DMD: variants seen among roughly 807,000 people sequenced by gnomAD.
DMD encodes the protein mutant dystrophin.
In DMD, 63 loss-of-function variants were observed where a neutral mutation model predicts 330.1. That is an observed-to-expected ratio of 0.19 (90% CI 0.16 to 0.24). The LOEUF (loss-of-function observed/expected upper bound fraction) is 0.24. DMD is among the 10% of genes least tolerant of loss of function. The pLI is 1.00. For synonymous variants in DMD, 1,223 were observed against 959.8 expected (o/e 1.27, Z -5.07); for missense variants, 3,344 against 2,684.1 (o/e 1.25, Z -5.43).
intron 29 of DMD, among the ~76,000 whole-genome samples, chrX:32,427,669 T>C (rs1307719515): frequency 9.0e-6 from 1 of 110,844 alleles, no homozygotes; most frequent in Non-Finnish European, 1.9e-5. Flanking sequence ...GACATGTATA[T>C]TGCCTTGTAT....
chrX:32,472,103 A>C (rs1273362503), intron 22 of DMD, 61 bp downstream of exon 22: 5 of 1,145,313 alleles, frequency 4.4e-6, no homozygotes, highest in Non-Finnish European at 6.0e-6. Flanking sequence ...TTTAAAGGTT[A>C]TATCAATGTG....
chrX:32,836,236 T>C (rs1368284370), intron 4 of DMD, among the ~76,000 whole-genome samples: 1 of 109,509 alleles, frequency 9.1e-6, no homozygotes, highest in African/African-American at 3.3e-5. Context: ...TTTGCCATGT[T>C]GGCCAGGATG....
At chrX:32,826,394 T>C (rs1469585719) in intron 4 of DMD, among the ~76,000 whole-genome samples, 1 of 111,763 alleles carries the variant, frequency 8.9e-6, no homozygotes, top group Non-Finnish European at 1.9e-5. Flanking sequence ...TCAATGTATA[T>C]TGTAGTGCTA....
intron 63 of DMD, among the ~76,000 whole-genome samples, chrX:31,259,687 C>T (rs1334373258): frequency 9.0e-6 from 1 of 111,490 alleles, no homozygotes. Context: ...TTCTAGAAGA[C>T]ATTTAATCAT....
chrX:32,655,245 G>C (rs2060477027), intron 9 of DMD, among the ~76,000 whole-genome samples: 1 of 112,005 alleles, frequency 8.9e-6, no homozygotes, highest in Admixed American at 9.5e-5. Context: ...GTCAATTTTA[G>C]ATCTTTCCTG....
intron 16 of DMD, among the ~76,000 whole-genome samples, chrX:32,564,416 T>A (rs781709278): frequency 9.0e-6 from 1 of 111,705 alleles, no homozygotes; most frequent in South Asian, 3.7e-4. Flanking sequence ...CAGTGTTGGG[T>A]TAAAAAGTAT....
intron 44 of DMD, among the ~76,000 whole-genome samples, chrX:31,996,234 C>A (rs1184524673): frequency 1.8e-5 from 2 of 111,661 alleles, no homozygotes; most frequent in East Asian, 5.7e-4. Context: ...TTTGAAATAC[C>A]AAAACTTCGA....
chrX:32,952,156 C>G (rs1244322989), intron 2 of DMD, among the ~76,000 whole-genome samples: 2 of 106,898 alleles, frequency 1.9e-5, no homozygotes, highest in African/African-American at 6.8e-5. Flanking sequence ...TTTTTTGAGA[C>G]TCAGTCTCAC....
At chrX:32,255,063 A>G (rs1368418610) in intron 43 of DMD, among the ~76,000 whole-genome samples, 1 of 112,014 alleles carries the variant, frequency 8.9e-6, no homozygotes, top group Non-Finnish European at 1.9e-5. Context: ...TAACTACTCT[A>G]GGTGGAATAT....
At chrX:31,643,702 C>A (rs1445740388) in intron 54 of DMD, among the ~76,000 whole-genome samples, 2 of 111,702 alleles carry the variant, frequency 1.8e-5, no homozygotes, top group African/African-American at 6.5e-5. Context: ...GCAGTGAAAG[C>A]AAATACAGAA....
chrX:32,532,486 GA>G (rs2047575479), intron 17 of DMD, among the ~76,000 whole-genome samples: 1 of 112,471 alleles, frequency 8.9e-6, no homozygotes, highest in African/African-American at 3.2e-5. Flanking sequence ...TCCTAGCTGC[GA>G]TGCTTCCTGT....
intron 55 of DMD, among the ~76,000 whole-genome samples, chrX:31,591,047 CG>C (rs2076846783): frequency 9.0e-6 from 1 of 111,367 alleles, no homozygotes; most frequent in Admixed American, 9.5e-5. Context: ...AACTGAGTTG[CG>C]CTGTAAGAGT....
intron 43 of DMD, among the ~76,000 whole-genome samples, chrX:32,258,103 ACC>A (rs1331075747): frequency 8.9e-6 from 1 of 111,760 alleles, no homozygotes; most frequent in East Asian, 2.8e-4. Context: ...GCAAATCAAA[ACC>A]ACAATGAGAT....
At chrX:32,150,040 C>T (rs775019595) in intron 44 of DMD, among the ~76,000 whole-genome samples, 6 of 112,215 alleles carry the variant, frequency 5.3e-5, no homozygotes, top group African/African-American at 1.9e-4. Flanking sequence ...ATCCATCTCT[C>T]TCTTTACACA....
chrX:32,845,886 T>C (rs777684865), intron 3 of DMD, among the ~76,000 whole-genome samples: 1 of 112,309 alleles, frequency 8.9e-6, no homozygotes, highest in African/African-American at 3.2e-5. Context: ...GTGCTCTCAA[T>C]AACAACTGCT....
chrX:32,585,648 C>T (rs771054093), intron 13 of DMD, among the ~76,000 whole-genome samples: 117 of 85,211 alleles, frequency 1.4e-3, no homozygotes, highest in Admixed American at 3.0e-3. Flanking sequence ...TACAGTGAGC[C>T]GAGATCGCGC....
At chrX:33,092,874 T>TTTTA (rs202142748) in intron 1 of DMD, among the ~76,000 whole-genome samples, 1 of 110,578 alleles carries the variant, frequency 9.0e-6, no homozygotes, top group Non-Finnish European at 1.9e-5. Flanking sequence ...ATTTATTTTA[T>TTTTA]TTTATTTATT....
At chrX:31,915,434 T>C (rs1373981066) in intron 47 of DMD, among the ~76,000 whole-genome samples, 1 of 111,515 alleles carries the variant, frequency 9.0e-6, no homozygotes, top group South Asian at 3.7e-4. Context: ...AAACTTGGGG[T>C]ATTTTTATTA....
intron 1 of DMD, among the ~76,000 whole-genome samples, chrX:33,039,465 G>C (rs1278611946): frequency 9.3e-6 from 1 of 107,161 alleles, no homozygotes; most frequent in African/African-American, 3.4e-5. Context: ...TCACAAATTA[G>C]GTTTCACAAA....
Sources: gnomAD v4.1 joint callset for allele counts (sites outside exome capture counted in the v4.1 genomes callset) on GRCh38, gnomAD v4.1.1 for gene constraint, MANE v1.5 for transcripts, NCBI Gene and HGNC (gene_info 2026-07-23, HGNC 2026-07-21) for gene names.